The following PIK3R4 variants were observed in gnomAD, a reference collection of about 807,000 sequenced individuals.
PIK3R4 encodes phosphoinositide-3-kinase regulatory subunit 4.
In PIK3R4, 46 loss-of-function variants were observed where a neutral mutation model predicts 136.5. That is an observed-to-expected ratio of 0.34 (90% CI 0.27 to 0.43). The LOEUF (loss-of-function observed/expected upper bound fraction) is 0.43. Among genes scored for constraint, PIK3R4 ranks in the 20% least tolerant of loss-of-function variants. The pLI is 1.00. For synonymous variants in PIK3R4, 557 were observed against 566.7 expected (o/e 0.98, Z 0.24); for missense variants, 1,331 against 1,649.5 (o/e 0.81, Z 3.35).
At chr3:130,737,004 C>T (rs150562022) in intron 2 of PIK3R4, among the ~76,000 whole-genome samples, 2 of 152,318 alleles carry the variant, frequency 1.3e-5, no homozygotes, top group Admixed American at 1.3e-4. Context: ...CACAGTTTAA[C>T]TGAAATCATT....
intron 2 of PIK3R4, among the ~76,000 whole-genome samples, chr3:130,736,514 G>A (rs1576463982): frequency 6.6e-6 from 1 of 152,056 alleles, no homozygotes; most frequent in East Asian, 1.9e-4. Flanking sequence ...GTAGAGAGAG[G>A]CAGAGGCTGC....
At chr3:130,719,610 A>G (rs1297932861) in intron 7 of PIK3R4, among the ~76,000 whole-genome samples, 1 of 152,134 alleles carries the variant, frequency 6.6e-6, no homozygotes, top group African/African-American at 2.4e-5. Flanking sequence ...TAAGAGGGAA[A>G]ATGAGGACTG....
At chr3:130,738,557 G>A (rs1046122601) in intron 2 of PIK3R4, among the ~76,000 whole-genome samples, 2 of 152,066 alleles carry the variant, frequency 1.3e-5, no homozygotes, top group Non-Finnish European at 2.9e-5. Context: ...ACAATCTAAT[G>A]GCAACGAGCA....
intron 13 of PIK3R4, among the ~76,000 whole-genome samples, chr3:130,700,541 A>G (rs1229781780): frequency 6.6e-6 from 1 of 152,236 alleles, no homozygotes; most frequent in Non-Finnish European, 1.5e-5. Context: ...CCAAAGAGAC[A>G]AACTGAAAGT....
chr3:130,707,876 C>T (rs1331926861), intron 10 of PIK3R4, among the ~76,000 whole-genome samples: 2 of 152,118 alleles, frequency 1.3e-5, no homozygotes, highest in Non-Finnish European at 2.9e-5. Context: ...ATAGCAAGAC[C>T]TTTCTTTTTA....
intron 1 of PIK3R4, among the ~76,000 whole-genome samples, chr3:130,745,711 TAAGA>T (rs1166612137): frequency 6.6e-6 from 1 of 152,176 alleles, no homozygotes; most frequent in Non-Finnish European, 1.5e-5. Context: ...TTCTTGGAAA[TAAGA>T]AAGAGACACA....
intron 4 of PIK3R4, among the ~76,000 whole-genome samples, chr3:130,731,364 T>TAAAG (rs2066759272): frequency 6.6e-6 from 1 of 150,794 alleles, no homozygotes; most frequent in African/African-American, 2.5e-5. Context: ...GCAGTTGAGA[T>TAAAG]CTTTGAGTCA....
Position 130,745,273 on chromosome 3 carries a change from A to C in PIK3R4, c.-46-9T>G. 3 of 1,467,670 alleles carry C rather than the reference A, an allele frequency of 2.0e-6. No homozygotes were observed. The highest frequency in any genetic ancestry group is 2.7e-6 in the Non-Finnish European group (3 of 1,101,922). The allele number at this position is 1,467,670 out of a possible 1,614,324, so 90.9% of individuals were successfully genotyped here. On this transcript the variant is annotated splice_polypyrimidine_tract_variant and intron_variant, in intron 1 of 19. Transcript: ENST00000356763. ...AGGTTAGGATATAATACCTGTTTAA[A>C]ATAAAAACAAATGAAGAAAAAAGAC... is the stretch of plus-strand genomic sequence containing the variant.
At chr3:130,692,530 C>T (rs557069588) in intron 13 of PIK3R4, among the ~76,000 whole-genome samples, 6 of 152,246 alleles carry the variant, frequency 3.9e-5, no homozygotes, top group Middle Eastern at 3.4e-3. Context: ...GTATGTAATA[C>T]CTCATTCATT....
intron 4 of PIK3R4, among the ~76,000 whole-genome samples, chr3:130,731,912 C>T (rs908071535): frequency 6.6e-6 from 1 of 152,178 alleles, no homozygotes; most frequent in African/African-American, 2.4e-5. Flanking sequence ...ATGGCTTGAG[C>T]CTGGGAAGTC....
chr3:130,684,215 T>C (rs2066475187), intron 16 of PIK3R4, 35 bp downstream of exon 16: 2 of 1,592,016 alleles, frequency 1.3e-6, no homozygotes, highest in Non-Finnish European at 1.7e-6. Flanking sequence ...TCCAAGAAAA[T>C]CTCCCAACAC....
At chr3:130,682,610 C>T (rs1319151024) in intron 16 of PIK3R4, among the ~76,000 whole-genome samples, 1 of 152,146 alleles carries the variant, frequency 6.6e-6, no homozygotes, top group Non-Finnish European at 1.5e-5. Context: ...AGTCACTGCT[C>T]CTTTCAAGGT....
intron 13 of PIK3R4, among the ~76,000 whole-genome samples, chr3:130,693,354 T>C (rs539462817): frequency 6.6e-6 from 1 of 152,350 alleles, no homozygotes; most frequent in East Asian, 1.9e-4. Context: ...GGTAACTCTA[T>C]GTCTACCGTT....
intron 16 of PIK3R4, among the ~76,000 whole-genome samples, chr3:130,682,065 G>A (rs1011922377): frequency 3.9e-5 from 6 of 152,270 alleles, no homozygotes; most frequent in South Asian, 2.1e-4. Context: ...GGCTGGGTCC[G>A]CCAGCCTGTG....
Position 130,718,421 on chromosome 3 carries a change from G to C in PIK3R4, c.2095C>G (p.Leu699Val), listed in dbSNP as rs56369596. The stretch of plus-strand genomic sequence containing the variant: ...ATTGGTTGGGTAATATATGGGTCAA[G>C]ATAAGGCATCAGTTTACAGTAGACA... ...ADVYCKLMPY[L>V]DPYITQPIIQ... Residue 699 changes from leucine (L) to valine (V), a missense_variant, in exon 8 of 20, where the codon CTT becomes GTT. Physicochemically the swap from Leu to Val is conservative, Grantham distance 32 (BLOSUM62 1). Around this residue, in one of 2 missense-constraint regions of PIK3R4, gnomAD observed 1,180 missense variants for 1,407.0 expected, o/e 0.84. Transcript: ENST00000356763. 2,815 of 1,613,674 alleles carry C rather than the reference G, an allele frequency of 1.7e-3. 41 individuals are homozygous for C. The East Asian group carries it at 0.024, about 14-fold the overall frequency.
chr3:130,723,105 T>TA (rs2066712123), intron 7 of PIK3R4, among the ~76,000 whole-genome samples: 1 of 89,486 alleles, frequency 1.1e-5, no homozygotes, highest in South Asian at 3.6e-4. Context: ...AAATTAAAAA[T>TA]AAAAAAAAGA....
chr3:130,681,342 G>T, intron 17 of PIK3R4, 149 bp downstream of exon 17: 1 of 645,024 alleles, frequency 1.6e-6, no homozygotes, highest in Non-Finnish European at 2.8e-6. Flanking sequence ...CACTCATGTA[G>T]CAATGGCCAC....
chr3:130,690,115 C>A (rs2066508228), intron 14 of PIK3R4, among the ~76,000 whole-genome samples: 1 of 152,160 alleles, frequency 6.6e-6, no homozygotes, highest in Admixed American at 6.5e-5. Flanking sequence ...AGAACACTCA[C>A]ATTCTCAAAA....
intron 19 of PIK3R4, among the ~76,000 whole-genome samples, chr3:130,679,888 C>T (rs185371477): frequency 4.8e-4 from 73 of 152,018 alleles, no homozygotes; most frequent in Admixed American, 1.2e-3. Flanking sequence ...CCATCCTGGC[C>T]AACATGGTGA....
Sources: allele counts gnomAD v4.1 joint callset (sites outside exome capture counted in the v4.1 genomes callset), GRCh38; gene constraint gnomAD v4.1.1; regional missense constraint gnomAD v4.1.1; transcripts MANE v1.5; gene names NCBI Gene and HGNC (gene_info 2026-07-23, HGNC 2026-07-21).